Variants in STRN4 observed in about 807,000 individuals in gnomAD.
STRN4 encodes striatin-4.
STRN4 carries 27 observed loss-of-function variants against 77.9 expected under a neutral mutation model. The observed-to-expected ratio is 0.35, with a 90% CI of 0.26 to 0.48. The LOEUF is 0.48. Among genes scored for constraint, STRN4 ranks in the 20% least tolerant of loss-of-function variants. The pLI is 0.99. For synonymous variants in STRN4, 466 were observed against 443.1 expected (o/e 1.05, Z -0.65); for missense variants, 798 against 1,049.7 (o/e 0.76, Z 3.31).
At chr19:46,727,330 A>G in intron 9 of STRN4, 122 bp downstream of exon 9, 2 of 821,890 alleles carry the variant, frequency 2.4e-6, no homozygotes, top group Non-Finnish European at 4.0e-6. Context: ...CACTGTCTAC[A>G]TCTGCACCCC....
At chr19:46,721,862 C>A (rs1403897406) in intron 16 of STRN4, 124 bp downstream of exon 16, 3 of 1,021,006 alleles carry the variant, frequency 2.9e-6, no homozygotes, top group Non-Finnish European at 1.5e-6. Flanking sequence ...ACGGTCATTC[C>A]CGCCCAGACC....
chr19:46,736,418 T>A, intron 4 of STRN4: 1 of 158,826 alleles, frequency 6.3e-6, no homozygotes, highest in East Asian at 1.7e-4. Context: ...GATTAGTCTT[T>A]AAATAAATAA....
At chr19:46,742,048 C>T (rs2054484462) in intron 1 of STRN4, among the ~76,000 whole-genome samples, 1 of 152,220 alleles carries the variant, frequency 6.6e-6, no homozygotes, top group African/African-American at 2.4e-5. Context: ...AAAAAGCTTC[C>T]CCTCTCAGAG....
At chr19:46,722,707 G>C (rs1476515279) in intron 14 of STRN4, 103 bp downstream of exon 14, 2 of 1,494,606 alleles carry the variant, frequency 1.3e-6, no homozygotes, top group Non-Finnish European at 1.8e-6. Flanking sequence ...GGGTGCAGGG[G>C]AGTCATCTGA....
chr19:46,741,828 C>T lies in STRN4; in HGVS notation c.283-2940G>A, dbSNP rs73058696. ...CTGTCCCAGCTAGCTGGGAAGAGTCCCCGTTTCGTGCCATCTAGCCCTGCA... is the reference window on the plus strand; with the variant it reads ...CTGTCCCAGCTAGCTGGGAAGAGTCTCCGTTTCGTGCCATCTAGCCCTGCA... On this transcript the variant is annotated intron_variant, in intron 1 of 17. Coordinates refer to ENST00000263280, the MANE Select transcript of STRN4 (RefSeq NM_013403.3). The surrounding 1 kb of genome is among the most constrained non-coding windows in gnomAD (Gnocchi z 4.9). 0.095 allele frequency among the ~76,000 whole-genome samples: 14,443 copies of T among 152,232 alleles called. 850 individuals carry two copies. Among genetic ancestry groups the T allele is most frequent in the Middle Eastern group, 0.16 (46 of 294 alleles).
In STRN4 at chr19:46,736,888, G is replaced by T; in HGVS notation, c.474C>A (p.Pro158=). The change falls in exon 4 of 18, where the codon CCC becomes CCA. Residue 158 remains proline (P), a synonymous_variant. Coordinates refer to ENST00000263280, the MANE Select transcript of STRN4 (RefSeq NM_013403.3). ...ADVSEQVSNG[P]VESVTLENSP... is the part of the protein sequence containing the mutation. ...TGTTCTCCAGGGTGACCGATTCCAC[G>T]GGGCCATTGGAGACTGGCGGGTGAG... The T allele has an allele frequency of 2.5e-6, 4 of 1,611,994 alleles. No individual in the cohort carries two copies. The highest frequency in any genetic ancestry group is 1.1e-5 in the South Asian group (1 of 90,776).
intron 5 of STRN4, among the ~76,000 whole-genome samples, chr19:46,731,251 G>C (rs943474118): frequency 6.6e-6 from 1 of 152,226 alleles, no homozygotes; most frequent in African/African-American, 2.4e-5. Context: ...CACAAGGGCA[G>C]GTCAGGCAGG....
chr19:46,744,200 C>G (rs1450439336), intron 1 of STRN4, among the ~76,000 whole-genome samples: 1 of 152,128 alleles, frequency 6.6e-6, no homozygotes, highest in African/African-American at 2.4e-5. Flanking sequence ...ACTGCCTCTG[C>G]CTACATCACA....
rs926019778 is a variant in STRN4 at position 46,721,651 on chromosome 19, C to T, written c.2092+335G>A. On this transcript the variant is annotated intron_variant, in intron 16 of 17. Coordinates refer to ENST00000263280, the MANE Select transcript of STRN4 (RefSeq NM_013403.3). ...ACAGGGTGGGAGCACAGAAGTCCCA[C>T]GGGTACCCCCAGGTAGACCTGGACT... The T allele has an allele frequency of 1.5e-5, 4 of 263,996 alleles. No individual in the cohort carries two copies. The South Asian group carries it at 1.8e-4, about 12-fold the overall frequency. The allele number at this position is 263,996 out of a possible 1,614,324, so 16.4% of individuals were successfully genotyped here. A position where few individuals can be genotyped will look rare whatever the true frequency, so the allele number is the denominator to read the frequency against.
At position 46,736,904 on chromosome 19, in the gene STRN4, G is replaced by A. The variant is rs946921518; in HGVS notation, c.461-3C>T. 2 of 1,611,416 alleles carry A rather than the reference G, an allele frequency of 1.2e-6. No homozygotes were observed. Among genetic ancestry groups the A allele is most frequent in the Non-Finnish European group, 1.7e-6 (2 of 1,178,708 alleles). Reference sequence around the variant, plus strand: ...CGATTCCACGGGGCCATTGGAGACTGGCGGGTGAGAGAACGGAGGCTGTCT... The same window carrying A: ...CGATTCCACGGGGCCATTGGAGACTAGCGGGTGAGAGAACGGAGGCTGTCT... On this transcript the variant is annotated splice_region_variant and splice_polypyrimidine_tract_variant and intron_variant, in intron 3 of 17. Transcript: ENST00000263280.
Position 46,721,890 on chromosome 19 carries a change from G to T in STRN4, c.2092+96C>A. ...CCCAGACCAGCCTCCCCCAGCCCTG[G>T]CCCCCGGGGCCCCCTGAGCACTTGC... On this transcript the variant is annotated intron_variant, in intron 16 of 17. Transcript: ENST00000263280. The T allele has an allele frequency of 4.3e-6, 6 of 1,397,706 alleles. No homozygotes were observed. In the South Asian group the frequency reaches 6.1e-5, roughly 14 times the overall value. The allele number at this position is 1,397,706 out of a possible 1,614,324, so 86.6% of individuals were successfully genotyped here.
Position 46,738,275 on chromosome 19 carries a change from A to G in STRN4, c.387-38T>C. The G allele has an allele frequency of 6.3e-7, 1 of 1,580,498 alleles. No homozygotes were observed. The highest frequency in any genetic ancestry group is 8.7e-7 in the Non-Finnish European group (1 of 1,149,588). ...ATGATTAATGAATAAGAGATGCGGG[A>G]GAGTAGACAGGGTCAGTAGTTACCT... On this transcript the variant is annotated intron_variant, in intron 2 of 17. Coordinates refer to ENST00000263280, the MANE Select transcript of STRN4 (RefSeq NM_013403.3). This position sits in a 1 kb window ranked among gnomAD's most constrained non-coding sequence, Gnocchi z 4.5.
At chr19:46,734,717 T>C (rs1599883264) in intron 4 of STRN4, among the ~76,000 whole-genome samples, 1 of 152,170 alleles carries the variant, frequency 6.6e-6, no homozygotes, top group Admixed American at 6.5e-5. Context: ...CAGGCTGGAG[T>C]GCAGTGGCAC....
rs2054297266 is a variant in STRN4, at chr19:46,733,499, CCCA to C, written c.540-266_540-264del. ...CGAAGCACAGGGACCAGCCTCAGCA[CCCA>C]CCGACAGGGGCTGTGTCAGCAAATG... On this transcript the variant is annotated intron_variant, in intron 4 of 17. Transcript: ENST00000263280. This position sits in a 1 kb window ranked among gnomAD's most constrained non-coding sequence, Gnocchi z 4.3. 2 of 464,900 alleles carry C rather than the reference CCCA, an allele frequency of 4.3e-6. No homozygotes were observed. The highest frequency in any genetic ancestry group is 7.8e-6 in the Non-Finnish European group (2 of 256,288). The allele number at this position is 464,900 out of a possible 1,614,324, so 28.8% of individuals were successfully genotyped here.
chr19:46,727,847 C>T, intron 8 of STRN4, 47 bp downstream of exon 8: 2 of 1,506,594 alleles, frequency 1.3e-6, no homozygotes, highest in Admixed American at 3.7e-5. Context: ...CAGCCTCCCT[C>T]TGCCATGGGC....
intron 1 of STRN4, among the ~76,000 whole-genome samples, chr19:46,743,049 C>A (rs899423626): frequency 6.6e-6 from 1 of 152,308 alleles, no homozygotes; most frequent in Non-Finnish European, 1.5e-5. Flanking sequence ...GGACGCTATG[C>A]AGCTATCAAA....
Position 46,730,768 on chromosome 19 carries a change from C to T in STRN4, c.843G>A (p.Glu281=). 1 of 1,612,908 alleles carries T rather than the reference C, an allele frequency of 6.2e-7. No homozygotes were observed. Among genetic ancestry groups the T allele is most frequent in the South Asian group, 1.1e-5 (1 of 91,072 alleles). Residue 281 remains glutamate, a synonymous_variant, in exon 6 of 18, where the codon GAG becomes GAA. Transcript: ENST00000263280. Reference sequence around the variant, plus strand: ...GCTTCTTGTGCTGCACGCTGTCCAGCTCATCGTCCTCGTCGCTGTCTTCGT... The same window carrying T: ...GCTTCTTGTGCTGCACGCTGTCCAGTTCATCGTCCTCGTCGCTGTCTTCGT... ...CEDEDSDEDD[E]LDSVQHKKQR...
intron 9 of STRN4, among the ~76,000 whole-genome samples, chr19:46,727,071 CTGGCCAAAGGCTCCCAGA>C (rs1599867670): frequency 6.6e-6 from 1 of 151,642 alleles, no homozygotes. Context: ...AGGCTCCCAG[CTGGCCAAAGGCTCCCAGA>C]TGGCCAGAGG....
Position 46,746,274 on chromosome 19 carries a change from T to TGCC in STRN4, c.154_156dup (p.Gly52dup), listed in dbSNP as rs755818262. On this transcript the variant is annotated inframe_insertion, in exon 1 of 18. Coordinates refer to ENST00000263280, the MANE Select transcript of STRN4 (RefSeq NM_013403.3). Reference sequence around the variant, plus strand: ...TCCGGGCCCGCCGTGGGCCCGGGGCTGCCTCCGCCGCCGCCTCCCTTACCT... The same window carrying TGCC: ...TCCGGGCCCGCCGTGGGCCCGGGGCTGCCGCCTCCGCCGCCGCCTCCCTTACCT... The TGCC allele has an allele frequency of 6.9e-7, 1 of 1,453,314 alleles. No individual in the cohort carries two copies. Among genetic ancestry groups the TGCC allele is most frequent in the South Asian group, 1.3e-5 (1 of 77,270 alleles). The allele number at this position is 1,453,314 out of a possible 1,614,324, so 90.0% of individuals were successfully genotyped here.
Sources: gnomAD v4.1 joint callset for allele counts (sites outside exome capture counted in the v4.1 genomes callset) on GRCh38, gnomAD v4.1.1 for gene constraint, Gnocchi (gnomAD v3.1) non-coding constraint, MANE v1.5 for transcripts, NCBI Gene and HGNC (gene_info 2026-07-23, HGNC 2026-07-21) for gene names.